Variants in BCAS3 observed in about 807,000 individuals in gnomAD.
BCAS3 encodes the protein BCAS3 microtubule associated cell migration factor.
In BCAS3, 53 loss-of-function variants were observed where a neutral mutation model predicts 116.1. The ratio of observed to expected loss-of-function variants is 0.46; its 90% CI spans 0.37 to 0.57. The LOEUF (loss-of-function observed/expected upper bound fraction) is 0.57. Ranked by LOEUF, BCAS3 falls within the 20% of genes least tolerant of loss-of-function variation. BCAS3 has a pLI of 0.00. For missense variants in BCAS3, 917 were observed against 1,165.4 expected (o/e 0.79, Z 3.10); for synonymous variants, 391 against 408.2 (o/e 0.96, Z 0.51).
At chr17:60,811,221 C>A (rs1253182586) in intron 7 of BCAS3, 1 of 783,246 alleles carries the variant, frequency 1.3e-6, no homozygotes, top group Non-Finnish European at 2.1e-6. Flanking sequence ...AGAGCTGGCA[C>A]AGACCCTGCA....
intron 19 of BCAS3, among the ~76,000 whole-genome samples, chr17:61,069,397 C>CA (rs1027828204): frequency 6.6e-6 from 1 of 152,136 alleles, no homozygotes. Flanking sequence ...GCCACAAGGA[C>CA]AAAAAACAGA....
chr17:61,254,052 C>T (rs2048572370), intron 22 of BCAS3, among the ~76,000 whole-genome samples: 1 of 152,154 alleles, frequency 6.6e-6, no homozygotes, highest in Non-Finnish European at 1.5e-5. Context: ...TGGGACCCTA[C>T]TTAAAACCCT....
At chr17:61,284,229 C>G (rs1050432184) in intron 22 of BCAS3, among the ~76,000 whole-genome samples, 1 of 152,166 alleles carries the variant, frequency 6.6e-6, no homozygotes, top group African/African-American at 2.4e-5. Flanking sequence ...CCACCTCCCC[C>G]ACCCACACCA....
At chr17:60,972,624 A>T (rs1009530472) in intron 14 of BCAS3, among the ~76,000 whole-genome samples, 2 of 151,678 alleles carry the variant, frequency 1.3e-5, no homozygotes, top group Admixed American at 6.6e-5. Context: ...GCTAATTTTT[A>T]TAAAAATTTT....
intron 22 of BCAS3, among the ~76,000 whole-genome samples, chr17:61,287,872 T>C (rs975488370): frequency 1.3e-5 from 2 of 152,250 alleles, no homozygotes; most frequent in Admixed American, 1.3e-4. Context: ...GTTCTAAGTA[T>C]TTTTGTTCAT....
At chr17:61,010,041 C>T (rs2145510050) in intron 15 of BCAS3, among the ~76,000 whole-genome samples, 2 of 133,030 alleles carry the variant, frequency 1.5e-5, no homozygotes, top group Admixed American at 7.5e-5. Context: ...GCAGGGATTT[C>T]TTTTGTCCGG....
intron 7 of BCAS3, among the ~76,000 whole-genome samples, chr17:60,826,780 A>G (rs2050468640): frequency 6.6e-6 from 1 of 152,162 alleles, no homozygotes. Flanking sequence ...GTACTTAGAA[A>G]TGGGACATAA....
chr17:60,893,242 TTTAA>T (rs1331562278), intron 10 of BCAS3, among the ~76,000 whole-genome samples: 9 of 152,196 alleles, frequency 5.9e-5, no homozygotes, highest in African/African-American at 2.2e-4. Context: ...AACTTTTTAG[TTTAA>T]TTAAGTGTCA....
chr17:60,705,513 A>C (rs1186980144), intron 4 of BCAS3, among the ~76,000 whole-genome samples: 2 of 121,238 alleles, frequency 1.6e-5, no homozygotes, highest in East Asian at 4.9e-4. Flanking sequence ...GACTTGTCTC[A>C]AAAAAAAAAA....
intron 14 of BCAS3, among the ~76,000 whole-genome samples, chr17:60,965,396 A>AT (rs2061606397): frequency 6.6e-6 from 1 of 151,560 alleles, no homozygotes. Context: ...TAATTTTTGT[A>AT]TTTTTAGTAG....
intron 15 of BCAS3, among the ~76,000 whole-genome samples, chr17:61,001,564 G>A (rs954050975): frequency 9.9e-5 from 15 of 152,046 alleles, no homozygotes; most frequent in African/African-American, 3.6e-4. Flanking sequence ...TTTTTGCCAA[G>A]AAAAATCAAT....
chr17:61,079,710 C>T (rs1253772814), intron 21 of BCAS3, among the ~76,000 whole-genome samples: 2 of 151,774 alleles, frequency 1.3e-5, no homozygotes, highest in Non-Finnish European at 2.9e-5. Flanking sequence ...GTTCTCCTGC[C>T]TTAGGCTCTT....
chr17:61,299,868 A>G (rs1568791775), intron 22 of BCAS3, among the ~76,000 whole-genome samples: 1 of 152,154 alleles, frequency 6.6e-6, no homozygotes, highest in Non-Finnish European at 1.5e-5. Flanking sequence ...ACTTTCCTGA[A>G]TTCTATTATG....
intron 22 of BCAS3, among the ~76,000 whole-genome samples, chr17:61,280,769 T>C (rs1392447740): frequency 6.6e-6 from 1 of 152,148 alleles, no homozygotes; most frequent in East Asian, 1.9e-4. Flanking sequence ...GTGCTTAAAG[T>C]GGGCAGCGCC....
At chr17:60,742,640 C>T (rs1224283052) in intron 5 of BCAS3, among the ~76,000 whole-genome samples, 1 of 151,548 alleles carries the variant, frequency 6.6e-6, no homozygotes, top group African/African-American at 2.4e-5. Context: ...ACCATGTTGG[C>T]CAGGCTGGTC....
At chr17:60,693,007 C>T (rs185841348) in intron 4 of BCAS3, among the ~76,000 whole-genome samples, 11 of 151,912 alleles carry the variant, frequency 7.2e-5, no homozygotes, top group Admixed American at 2.6e-4. Context: ...CAAGGAGAAT[C>T]GCTTGAACGC....
Position 61,087,281 on chromosome 17 carries a change from T to A in BCAS3, c.2425+2717T>A, listed in dbSNP as rs2073165740. 1 of 892,966 alleles carries A rather than the reference T, an allele frequency of 1.1e-6. No homozygotes were observed. Among genetic ancestry groups the A allele is most frequent in the Non-Finnish European group, 1.3e-6 (1 of 745,918 alleles). The allele number at this position is 892,966 out of a possible 1,614,324, so 55.3% of individuals were successfully genotyped here. A position where few individuals can be genotyped will look rare whatever the true frequency, so the allele number is the denominator to read the frequency against. On this transcript the variant is annotated intron_variant, in intron 22 of 23. Transcript: ENST00000407086. This position sits in a 1 kb window ranked among gnomAD's most constrained non-coding sequence, Gnocchi z 4.6. ...CTCTGTTGGTCTTCATTGCCCTGTA[T>A]TACCTTCAAGCATTTTATATGACTT...
chr17:61,306,692 C>T (rs1436539752), intron 22 of BCAS3, among the ~76,000 whole-genome samples: 1 of 152,106 alleles, frequency 6.6e-6, no homozygotes, highest in Non-Finnish European at 1.5e-5. Flanking sequence ...AGGAGGATCG[C>T]TTGAGCCCAG....
chr17:61,210,215 C>T (rs1257970659), intron 22 of BCAS3, among the ~76,000 whole-genome samples: 1 of 152,132 alleles, frequency 6.6e-6, no homozygotes, highest in Non-Finnish European at 1.5e-5. Flanking sequence ...CACCTATTGA[C>T]CTGATATGTG....
Sources: gnomAD v4.1 joint callset for allele counts (sites outside exome capture counted in the v4.1 genomes callset) on GRCh38, gnomAD v4.1.1 for gene constraint, Gnocchi (gnomAD v3.1) non-coding constraint, MANE v1.5 for transcripts, NCBI Gene and HGNC (gene_info 2026-07-23, HGNC 2026-07-21) for gene names.